The following KHK variants were observed in gnomAD, a reference collection of about 807,000 sequenced individuals.
The protein encoded by KHK is ketohexokinase, also known as fructokinase.
KHK carries 37 observed loss-of-function variants against 36.0 expected under a neutral mutation model. That is an observed-to-expected ratio of 1.03 (90% CI 0.79 to 1.35). The LOEUF (loss-of-function observed/expected upper bound fraction) is 1.35, where lower values mean the gene tolerates loss of function less well. KHK is among the 40% of genes most tolerant of loss of function. KHK has a pLI of 0.00. For missense variants in KHK, 395 were observed against 391.9 expected, an observed-to-expected ratio of 1.01 and a Z score of -0.07; for synonymous variants, 161 against 162.8, an observed-to-expected ratio of 0.99 and a Z score of 0.08.
intron 2 of KHK, chr2:27,094,265 T>C: frequency 1.6e-6 from 1 of 640,172 alleles, no homozygotes. Flanking sequence ...AGGATGGCCC[T>C]TAGTGTTTCT....
intron 1 of KHK, among the ~76,000 whole-genome samples, chr2:27,090,745 G>A (rs375178648): frequency 1.3e-5 from 2 of 151,646 alleles, no homozygotes; most frequent in South Asian, 2.1e-4. Flanking sequence ...GAGCCACTGC[G>A]CCCGGCCAGC....
In KHK at chr2:27,100,671, C is replaced by CATCT. The variant is rs995257012; in HGVS notation, c.*922_*925dup. 4.6e-6 allele frequency: 5 copies of CATCT among 1,077,180 alleles called. No homozygotes were observed. In the African/African-American group the frequency reaches 8.3e-5, roughly 18 times the overall value. The allele number at this position is 1,077,180 out of a possible 1,614,324, so 66.7% of individuals were successfully genotyped here. On this transcript the variant is annotated 3_prime_UTR_variant, in exon 8 of 8. Transcript: ENST00000260598. ...TTAACGCAATCTGCCTCAATTTCTT[C>CATCT]ATCTGTCAAATGGAACCAATTCTGC...
At chr2:27,094,996 C>T (rs1670252947) in intron 3 of KHK, 62 bp downstream of exon 3, 2 of 1,591,750 alleles carry the variant, frequency 1.3e-6, no homozygotes, top group Admixed American at 1.7e-5. Flanking sequence ...TCAGTTCCCT[C>T]ACTCGCCACC....
intron 5 of KHK, among the ~76,000 whole-genome samples, chr2:27,098,612 C>T (rs577802983): frequency 6.6e-5 from 10 of 152,076 alleles, no homozygotes; most frequent in Non-Finnish European, 8.8e-5. Context: ...GCCAAGGCTT[C>T]GGTGTTTTGT....
At chr2:27,098,723 T>C (rs1220167026) in intron 5 of KHK, among the ~76,000 whole-genome samples, 1 of 152,162 alleles carries the variant, frequency 6.6e-6, no homozygotes, top group Non-Finnish European at 1.5e-5. Context: ...CTAGAGGACA[T>C]AGTTGTGGGA....
chr2:27,097,724 C>T, intron 5 of KHK, 75 bp downstream of exon 5: 1 of 1,585,316 alleles, frequency 6.3e-7, no homozygotes, highest in Non-Finnish European at 8.7e-7. Flanking sequence ...ATCCTTTTAT[C>T]CTGCCTACCA....
At chr2:27,099,146 GT>G (rs1670609781) in intron 5 of KHK, 49 bp from the exon 6 acceptor site, 1 of 1,563,864 alleles carries the variant, frequency 6.4e-7, no homozygotes, top group African/African-American at 1.4e-5. Flanking sequence ...GCTGCTGTTG[GT>G]GAATGACGAG....
intron 5 of KHK, among the ~76,000 whole-genome samples, chr2:27,097,886 TAAG>T (rs1256059045): frequency 6.6e-6 from 1 of 152,100 alleles, no homozygotes; most frequent in Non-Finnish European, 1.5e-5. Context: ...TGCATAGGTG[TAAG>T]AATGCCCAGA....
chr2:27,094,496 C>G (rs201995559), intron 2 of KHK: 11 of 1,613,972 alleles, frequency 6.8e-6, no homozygotes, highest in Non-Finnish European at 9.3e-6. Context: ...GGATGACCTC[C>G]GCCGCTATTC....
intron 1 of KHK, among the ~76,000 whole-genome samples, chr2:27,091,857 T>C (rs1224779989): frequency 6.6e-6 from 1 of 152,032 alleles, no homozygotes; most frequent in Non-Finnish European, 1.5e-5. Flanking sequence ...GCAGTTTCTA[T>C]TGAAGTAGAC....
In KHK at chr2:27,100,567, G is replaced by A. The variant is rs1372346431; in HGVS notation, c.*817G>A. ...CCTTATAATGTAAAGAGCATATAAT[G>A]TAAAGGGCTTTAGAGTGAGACAGAC... On this transcript the variant is annotated 3_prime_UTR_variant, in exon 8 of 8. Transcript: ENST00000260598. 7.8e-7 allele frequency: 1 copy of A among 1,286,366 alleles called. No homozygotes were observed. Among genetic ancestry groups the A allele is most frequent in the African/African-American group, 1.5e-5 (1 of 65,766 alleles). The allele number at this position is 1,286,366 out of a possible 1,614,324, so 79.7% of individuals were successfully genotyped here.
chr2:27,087,416 AC>A (rs1407747032), intron 1 of KHK, 65 bp downstream of exon 1: 51 of 1,337,240 alleles, frequency 3.8e-5, no homozygotes, highest in Non-Finnish European at 5.0e-5. Flanking sequence ...TGTGCCAGCG[AC>A]CGAGGCTGCA....
intron 4 of KHK, 98 bp from the exon 5 acceptor site, chr2:27,097,405 C>T (rs1233977696): frequency 8.4e-6 from 13 of 1,540,664 alleles, no homozygotes; most frequent in Non-Finnish European, 9.8e-6. Flanking sequence ...TCCCCGAGGC[C>T]CTCTCCCTCC....
chr2:27,100,372 C>G lies in KHK; in HGVS notation c.*622C>G. On this transcript the variant is annotated 3_prime_UTR_variant, in exon 8 of 8. Coordinates refer to ENST00000260598, the MANE Select transcript of KHK (RefSeq NM_006488.3). The stretch of plus-strand genomic sequence containing the variant: ...TTCATTGTCCAGAAATACCTCCTCC[C>G]GCTGACTGCCCCAGAGCCTGAAAGT... The G allele has an allele frequency of 3.3e-6, 4 of 1,219,844 alleles. No homozygotes were observed. Among genetic ancestry groups the G allele is most frequent in the Non-Finnish European group, 4.3e-6 (4 of 924,870 alleles). The allele number at this position is 1,219,844 out of a possible 1,614,324, so 75.6% of individuals were successfully genotyped here.
chr2:27,098,387 T>G (rs1670535041), intron 5 of KHK, among the ~76,000 whole-genome samples: 1 of 150,710 alleles, frequency 6.6e-6, no homozygotes. Context: ...GAGCAGTGAC[T>G]CATACCTGTA....
Position 27,099,947 on chromosome 2 carries a change from CA to C in KHK, c.*200del, listed in dbSNP as rs2148373036. ...GGCTGGGGGATGCAGAGCCTCAGAG[CA>C]AATAAATCTTCCTCAGAGCCAGCTT... On this transcript the variant is annotated 3_prime_UTR_variant, in exon 8 of 8. Transcript: ENST00000260598. 8.2e-7 allele frequency: 1 copy of C among 1,222,156 alleles called. No homozygotes were observed. Among genetic ancestry groups the C allele is most frequent in the African/African-American group, 1.5e-5 (1 of 66,664 alleles). 75.7% of individuals were successfully genotyped at this position (1,222,156 alleles called of 1,614,324 possible).
intron 1 of KHK, among the ~76,000 whole-genome samples, chr2:27,091,053 CA>C (rs1008645914): frequency 1.8e-5 from 2 of 110,754 alleles, no homozygotes; most frequent in African/African-American, 7.0e-5. Flanking sequence ...GACTCTGTCT[CA>C]AAAAAACAAA....
intron 2 of KHK, chr2:27,094,256 G>A (rs1364304202): frequency 1.6e-6 from 1 of 616,378 alleles, no homozygotes; most frequent in Non-Finnish European, 2.9e-6. Context: ...AGACCTAAAA[G>A]GATGGCCCTT....
chr2:27,094,774 T>G (rs776207525), intron 2 of KHK, 26 bp from the exon 3 acceptor site: 10 of 1,613,900 alleles, frequency 6.2e-6, no homozygotes, highest in Non-Finnish European at 8.5e-6. Context: ...TCCTTGCCCT[T>G]TTCCTGGCCC....
Sources: allele counts gnomAD v4.1 joint callset (sites outside exome capture counted in the v4.1 genomes callset), GRCh38; gene constraint gnomAD v4.1.1; transcripts MANE v1.5; gene names NCBI Gene and HGNC (gene_info 2026-07-23, HGNC 2026-07-21).